NAV1: variants seen among roughly 807,000 people sequenced by gnomAD.
NAV1 encodes pore membrane and/or filament interacting like protein 3.
Under a neutral mutation model 175.2 loss-of-function variants are expected in NAV1, and 18 were observed. The observed-to-expected ratio is 0.10, with a 90% confidence interval of 0.07 to 0.15. NAV1 has a LOEUF of 0.15. Among genes scored for constraint, NAV1 ranks in the 10% least tolerant of loss-of-function variants. The probability of loss-of-function intolerance (pLI) is 1.00; values close to 1 mark genes in which losing one functional copy is unlikely to be tolerated. For missense variants in NAV1, 1,731 were observed against 2,436.6 expected (o/e 0.71, Z 6.10); for synonymous variants, 897 against 978.7 (o/e 0.92, Z 1.56).
intron 1 of NAV1, among the ~76,000 whole-genome samples, chr1:201,662,406 T>C (rs1669648439): frequency 6.6e-6 from 1 of 152,260 alleles, no homozygotes; most frequent in African/African-American, 2.4e-5. Flanking sequence ...GTATGTCTGC[T>C]ACAGGGGATA....
At chr1:201,795,481 CTT>C (rs896897433) in intron 15 of NAV1, 4 of 152,192 alleles carry the variant, frequency 2.6e-5, no homozygotes, top group African/African-American at 7.2e-5. Flanking sequence ...TCTCTAATCT[CTT>C]ATGCTCTATT....
intron 1 of NAV1, 89 bp downstream of exon 5, chr1:201,649,514 C>A (rs1486485508): frequency 2.8e-6 from 4 of 1,433,922 alleles, no homozygotes; most frequent in Non-Finnish European, 3.6e-6. Context: ...GCCCCCTCCC[C>A]TTGCGCCTTC....
chr1:201,736,219 C>G (rs1180495471), intron 3 of NAV1, among the ~76,000 whole-genome samples: 2 of 152,138 alleles, frequency 1.3e-5, no homozygotes, highest in African/African-American at 4.8e-5. Context: ...GGTCAGTGGA[C>G]AGAGTTGTGG....
intron 3 of NAV1, among the ~76,000 whole-genome samples, chr1:201,756,333 T>C (rs1172849035): frequency 1.3e-5 from 2 of 152,190 alleles, no homozygotes; most frequent in Non-Finnish European, 2.9e-5. Flanking sequence ...TGTAGCGCTA[T>C]AATCATATTT....
intron 3 of NAV1, among the ~76,000 whole-genome samples, chr1:201,732,477 C>T (rs1441385389): frequency 6.6e-6 from 1 of 152,002 alleles, no homozygotes; most frequent in Admixed American, 6.6e-5. Context: ...CCATGTCTGG[C>T]TTATACACTC....
intron 8 of NAV1, among the ~76,000 whole-genome samples, chr1:201,786,041 C>T (rs914521258): frequency 1.3e-4 from 20 of 152,120 alleles, no homozygotes; most frequent in Admixed American, 2.0e-4. Context: ...GATCCACCCA[C>T]CTCAGCCTCC....
chr1:201,600,931 G>A (rs1667494140), intron 2 of NAV1, among the ~76,000 whole-genome samples: 1 of 152,152 alleles, frequency 6.6e-6, no homozygotes, highest in South Asian at 2.1e-4. Context: ...CTGGGTCTCT[G>A]CCAAAGCTGT....
intron 15 of NAV1, 185 bp downstream of exon 19, chr1:201,794,762 C>A: frequency 1.6e-6 from 1 of 609,906 alleles, no homozygotes. Context: ...ATGACCCCAG[C>A]TTCCTAGGGC....
At chr1:201,757,353 C>CT (rs1245402509) in intron 3 of NAV1, among the ~76,000 whole-genome samples, 4 of 152,096 alleles carry the variant, frequency 2.6e-5, no homozygotes, top group African/African-American at 9.7e-5. Flanking sequence ...ACTGTGACCT[C>CT]TTAACTTCTG....
At chr1:201,772,252 G>A (rs780412489) in intron 3 of NAV1, among the ~76,000 whole-genome samples, 1 of 152,206 alleles carries the variant, frequency 6.6e-6, no homozygotes, top group Non-Finnish European at 1.5e-5. Context: ...CCTCATGGAA[G>A]ACTTGGCATT....
rs1399112359 is a variant in NAV1 at position 201,787,543 on chromosome 1, A to C, written c.2996-925A>C. 2.4e-6 allele frequency: 1 copy of C among 410,576 alleles called. No individual in the cohort carries two copies. Among genetic ancestry groups the C allele is most frequent in the African/African-American group, 2.0e-5 (1 of 48,798 alleles). 25.4% of individuals were successfully genotyped at this position (410,576 alleles called of 1,614,324 possible). A position where few individuals can be genotyped will look rare whatever the true frequency, so the allele number is the denominator to read the frequency against. Reference sequence around the variant, plus strand: ...TTGTTCTCTATCTCCATTGAAGACCAAATAAGAAGAATTGCATTTATGCTG... The same window carrying C: ...TTGTTCTCTATCTCCATTGAAGACCCAATAAGAAGAATTGCATTTATGCTG... On this transcript the variant is annotated intron_variant, in intron 9 of 29. Coordinates refer to ENST00000367296, the Ensembl canonical transcript of NAV1. The surrounding 1 kb of genome is among the most constrained non-coding windows in gnomAD (Gnocchi z 4.3).
intron 2 of NAV1, among the ~76,000 whole-genome samples, chr1:201,632,897 A>G (rs562364743): frequency 6.6e-6 from 1 of 152,370 alleles, no homozygotes; most frequent in East Asian, 1.9e-4. Flanking sequence ...GATTTGAAAT[A>G]GAGCAGGAAT....
chr1:201,779,053 G>C (rs148179452), intron 3 of NAV1, among the ~76,000 whole-genome samples: 58 of 152,298 alleles, frequency 3.8e-4, no homozygotes, highest in East Asian at 2.1e-3. Context: ...TCAGTTTTAG[G>C]CTGTAAAACT....
At chr1:201,745,055 G>A (rs921243703) in intron 3 of NAV1, among the ~76,000 whole-genome samples, 8 of 152,144 alleles carry the variant, frequency 5.3e-5, no homozygotes, top group African/African-American at 1.2e-4. Context: ...AAGCAGAATC[G>A]AATAATTCTA....
intron 2 of NAV1, among the ~76,000 whole-genome samples, chr1:201,609,591 T>C (rs188436220): frequency 6.8e-4 from 103 of 152,128 alleles, no homozygotes; most frequent in Non-Finnish European, 1.3e-3. Context: ...AGTTTTAAGA[T>C]AGGGGAGAAA....
chr1:201,607,585 A>G (rs966447297), intron 2 of NAV1, among the ~76,000 whole-genome samples: 6 of 152,018 alleles, frequency 3.9e-5, no homozygotes, highest in Non-Finnish European at 7.4e-5. Context: ...TCTGCCTCCC[A>G]GGTTCAAGCA....
At chr1:201,597,708 C>T (rs937006016) in intron 2 of NAV1, among the ~76,000 whole-genome samples, 4 of 152,230 alleles carry the variant, frequency 2.6e-5, no homozygotes, top group African/African-American at 9.6e-5. Flanking sequence ...CACACTCCTG[C>T]GGAAGCTCAG....
chr1:201,603,770 A>C (rs1483960422), intron 2 of NAV1, among the ~76,000 whole-genome samples: 1 of 152,148 alleles, frequency 6.6e-6, no homozygotes, highest in Non-Finnish European at 1.5e-5. Flanking sequence ...AGCAACTGAG[A>C]CTTAGGTTAA....
intron 1 of NAV1, among the ~76,000 whole-genome samples, chr1:201,576,202 A>G (rs1282595470): frequency 6.6e-6 from 1 of 152,130 alleles, no homozygotes; most frequent in Non-Finnish European, 1.5e-5. Flanking sequence ...AACTACTAAT[A>G]TGTTTGCCAT....
Sources: allele counts gnomAD v4.1 joint callset (sites outside exome capture counted in the v4.1 genomes callset), GRCh38; gene constraint gnomAD v4.1.1; non-coding constraint Gnocchi (gnomAD v3.1); transcripts MANE v1.5; gene names NCBI Gene and HGNC (gene_info 2026-07-23, HGNC 2026-07-21).